PRR5: variants seen among roughly 807,000 people sequenced by gnomAD.
PRR5 encodes proline-rich protein 5.
Under a neutral mutation model 30.6 loss-of-function variants are expected in PRR5, and 25 were observed. That is an observed-to-expected ratio of 0.82 (90% CI 0.60 to 1.14). The LOEUF is 1.14. Among genes scored for constraint, PRR5 ranks in the 50% most tolerant of loss-of-function variants. The probability of loss-of-function intolerance (pLI) is 0.00; values close to 1 mark genes in which losing one functional copy is unlikely to be tolerated. For synonymous variants in PRR5, 286 were observed against 247.1 expected, an observed-to-expected ratio of 1.16 and a Z score of -1.48; for missense variants, 600 against 547.1, an observed-to-expected ratio of 1.10 and a Z score of -0.96.
intron 1 of PRR5, among the ~76,000 whole-genome samples, chr22:44,702,837 G>C (rs564916300): frequency 6.6e-6 from 1 of 152,332 alleles, no homozygotes; most frequent in African/African-American, 2.4e-5. Flanking sequence ...CCAGCGCCCG[G>C]GGCTGGCCCA....
At chr22:44,670,715 A>G (rs1923376331) in intron 1 of PRR5, among the ~76,000 whole-genome samples, 1 of 152,142 alleles carries the variant, frequency 6.6e-6, no homozygotes. Context: ...TTTCTAAGGG[A>G]TGGCTTAAAA....
intron 1 of PRR5, among the ~76,000 whole-genome samples, chr22:44,678,657 A>G (rs1923987352): frequency 6.6e-6 from 1 of 152,088 alleles, no homozygotes; most frequent in South Asian, 2.1e-4. Flanking sequence ...CCTTCTCTAG[A>G]AAGTCTTCCT....
At position 44,737,113 on chromosome 22, in the gene PRR5, C is replaced by T; in HGVS notation, c.1033C>T (p.Pro345Ser). ...PTRSSLPRSSPENLVDQILES... is the reference protein window; with the variant it reads ...PTRSSLPRSSSENLVDQILES... ...CCGCAGCTCCCTGCCCCGCTCCAGC[C>T]CGGAGAACCTGGTGGACCAGATCCT... is the stretch of plus-strand genomic sequence containing the variant. Residue 345 changes from proline to serine, a missense_variant, in exon 8 of 8, where the codon CCG (proline) becomes TCG (serine). Pro to Ser is a moderately conservative substitution (Grantham distance 74). Transcript: ENST00000336985. 20 of 1,612,458 alleles carry T rather than the reference C, an allele frequency of 1.2e-5. No homozygotes were observed. Among genetic ancestry groups the T allele is most frequent in the Non-Finnish European group, 1.7e-5 (20 of 1,179,996 alleles).
intron 2 of PRR5, among the ~76,000 whole-genome samples, chr22:44,716,149 G>T (rs1929016690): frequency 6.6e-6 from 1 of 152,192 alleles, no homozygotes; most frequent in Non-Finnish European, 1.5e-5. Context: ...TGCTGGGGGT[G>T]GGGGCACAGA....
At chr22:44,714,769 C>T (rs888916656) in intron 2 of PRR5, 98 bp downstream of exon 2, 43 of 1,475,070 alleles carry the variant, frequency 2.9e-5, no homozygotes, top group Admixed American at 7.6e-5. Flanking sequence ...CCGCCAGCCA[C>T]GCCTGTGCTT....
intron 1 of PRR5, among the ~76,000 whole-genome samples, chr22:44,684,326 T>TGAGGTCAGGAGTTC (rs1479826346): frequency 6.6e-6 from 1 of 152,148 alleles, no homozygotes; most frequent in Non-Finnish European, 1.5e-5. Context: ...GTGGATCACC[T>TGAGGTCAGGAGTTC]GAGGTCAGGA....
intron 2 of PRR5, among the ~76,000 whole-genome samples, chr22:44,722,151 C>T (rs1243762512): frequency 6.6e-6 from 1 of 152,218 alleles, no homozygotes; most frequent in East Asian, 1.9e-4. Context: ...GCTGATTTCA[C>T]AGTTGTGCAA....
At chr22:44,697,583 G>A (rs1480067893), upstream of PRR5, among the ~76,000 whole-genome samples, 1 of 152,222 alleles carries the variant, frequency 6.6e-6, no homozygotes, top group African/African-American at 2.4e-5. Flanking sequence ...ACCAGGCTTC[G>A]CCACCAGGGG....
chr22:44,714,537 A>G (rs1342630127), intron 1 of PRR5, 54 bp from the exon 2 acceptor site: 7 of 1,603,982 alleles, frequency 4.4e-6, no homozygotes, highest in African/African-American at 2.7e-5. Flanking sequence ...CTGATGGGCA[A>G]CCAGGGGGCT....
At chr22:44,679,809 T>G (rs1250114956) in intron 1 of PRR5, 1 of 1,598,854 alleles carries the variant, frequency 6.3e-7, no homozygotes, top group South Asian at 1.1e-5. Context: ...CATGGTGTGT[T>G]TGGAACTTTC....
At chr22:44,688,470 A>G (rs138961475) in intron 1 of PRR5, among the ~76,000 whole-genome samples, 2 of 152,342 alleles carry the variant, frequency 1.3e-5, no homozygotes, top group East Asian at 3.9e-4. Context: ...CACGGACGCT[A>G]TGACCAGACT....
intron 1 of PRR5, among the ~76,000 whole-genome samples, chr22:44,679,038 G>A (rs895512713): frequency 6.6e-6 from 1 of 152,160 alleles, no homozygotes; most frequent in African/African-American, 2.4e-5. Context: ...AGTGCCTTGG[G>A]GGGTCAGGAG....
chr22:44,734,902 C>A (rs1382308900), intron 6 of PRR5, 125 bp from the exon 7 acceptor site: 2 of 1,333,422 alleles, frequency 1.5e-6, no homozygotes, highest in African/African-American at 1.4e-5. Flanking sequence ...GGACAGAGAG[C>A]CTGTGGGAAT....
intron 2 of PRR5, among the ~76,000 whole-genome samples, chr22:44,715,618 G>A (rs1202681249): frequency 6.6e-6 from 1 of 152,096 alleles, no homozygotes; most frequent in Non-Finnish European, 1.5e-5. Flanking sequence ...TCAGGAAACA[G>A]GAGCCTAAAG....
At chr22:44,704,163 T>TCACAG (rs1458237788) in intron 1 of PRR5, among the ~76,000 whole-genome samples, 4 of 152,182 alleles carry the variant, frequency 2.6e-5, no homozygotes, top group Non-Finnish European at 4.4e-5. Flanking sequence ...TAGTAAGTCC[T>TCACAG]CTGTACCTCA....
At chr22:44,722,919 A>G (rs1930153518) in intron 2 of PRR5, among the ~76,000 whole-genome samples, 1 of 152,106 alleles carries the variant, frequency 6.6e-6, no homozygotes, top group African/African-American at 2.4e-5. Context: ...ATGACTACAC[A>G]TTGAAACTGT....
In PRR5 at chr22:44,702,512, C is replaced by T. The variant is rs1306782209; in HGVS notation, c.38C>T (p.Pro13Leu). ...CGCAGGTTGAAGTTCATGAGTTCGCCCAGCCTCAGTGACCTGGGCAAGAGA... is the reference window on the plus strand; with the variant it reads ...CGCAGGTTGAAGTTCATGAGTTCGCTCAGCCTCAGTGACCTGGGCAAGAGA... ...TLRRLKFMSS[P>L]SLSDLGKREP... Residue 13 changes from proline to leucine, a missense_variant, in exon 1 of 8, where the codon CCC becomes CTC. By Grantham distance (98) the Pro-to-Leu change is moderately conservative. Transcript: ENST00000336985. 2.7e-6 allele frequency: 4 copies of T among 1,471,002 alleles called. No homozygotes were observed. Among genetic ancestry groups the T allele is most frequent in the Non-Finnish European group, 3.6e-6 (4 of 1,109,442 alleles). 91.1% of individuals were successfully genotyped at this position (1,471,002 alleles called of 1,614,324 possible).
chr22:44,707,078 G>A (rs1263673608), intron 1 of PRR5, among the ~76,000 whole-genome samples: 1 of 152,136 alleles, frequency 6.6e-6, no homozygotes, highest in African/African-American at 2.4e-5. Context: ...CCATACCCCT[G>A]GCACCCCCAT....
upstream of PRR5, among the ~76,000 whole-genome samples, chr22:44,672,220 G>A (rs1184622170): frequency 1.3e-5 from 2 of 152,184 alleles, no homozygotes; most frequent in African/African-American, 4.8e-5. Flanking sequence ...GATGGAGTTT[G>A]CTGTTGTGTT....
Sources: allele counts gnomAD v4.1 joint callset (sites outside exome capture counted in the v4.1 genomes callset), GRCh38; gene constraint gnomAD v4.1.1; transcripts MANE v1.5; gene names NCBI Gene and HGNC (gene_info 2026-07-23, HGNC 2026-07-21).